GRID2: variants seen among roughly 807,000 people sequenced by gnomAD.
GRID2 encodes glutamate ionotropic receptor delta type subunit 2, also known as glutamate receptor ionotropic, delta-2.
Under a neutral mutation model 114.8 loss-of-function variants are expected in GRID2, and 33 were observed. That is an observed-to-expected ratio of 0.29 (90% CI 0.22 to 0.38). The LOEUF is 0.38. GRID2 is among the 10% of genes least tolerant of loss of function. The pLI is 1.00. For synonymous variants in GRID2, 505 were observed against 449.9 expected (o/e 1.12, Z -1.55); for missense variants, 1,184 against 1,257.7 (o/e 0.94, Z 0.89).
chr4:93,549,959 G>T (rs13127221), intron 13 of GRID2, among the ~76,000 whole-genome samples: 48,455 of 151,828 alleles, frequency 0.32, 8,552 homozygotes, highest in African/African-American at 0.46. Flanking sequence ...ATTACTCACT[G>T]TCCCTGAACC....
At chr4:93,500,768 A>T (rs1293204612) in intron 12 of GRID2, among the ~76,000 whole-genome samples, 1 of 152,040 alleles carries the variant, frequency 6.6e-6, no homozygotes, top group Non-Finnish European at 1.5e-5. Flanking sequence ...GGTTGCTACT[A>T]ATAGAGACTG....
chr4:93,210,186 A>G (rs896796856), intron 5 of GRID2, among the ~76,000 whole-genome samples: 1 of 151,556 alleles, frequency 6.6e-6, no homozygotes, highest in Non-Finnish European at 1.5e-5. Flanking sequence ...TTATATGTCT[A>G]GGTTGTTTTC....
intron 2 of GRID2, among the ~76,000 whole-genome samples, chr4:93,058,908 G>T (rs1285481651): frequency 6.6e-6 from 1 of 151,870 alleles, no homozygotes; most frequent in East Asian, 1.9e-4. Context: ...TTACTACTTG[G>T]TTGCCTTTGT....
chr4:92,820,000 T>A (rs985202210), intron 2 of GRID2, among the ~76,000 whole-genome samples: 2 of 152,146 alleles, frequency 1.3e-5, no homozygotes, highest in African/African-American at 4.8e-5. Flanking sequence ...AATTGCGTAG[T>A]ACCATTTACA....
rs141002450 is a variant in GRID2 at position 92,952,503 on chromosome 4, TCTC to T, written c.245-132488_245-132486del. Among the ~76,000 whole-genome samples, 328 of 152,316 alleles carry T rather than the reference TCTC, an allele frequency of 2.2e-3. 1 individual carries two copies. The highest frequency in any genetic ancestry group is 6.8e-3 in the Middle Eastern group (2 of 294). On this transcript the variant is annotated intron_variant, in intron 2 of 15. Coordinates refer to ENST00000282020, the MANE Select transcript of GRID2 (RefSeq NM_001510.4). ...GCAGAAATATTTCATATTTTGTGCTTCTCCTCATGTTTTTTAAATCTCATTTCT... is the reference window on the plus strand; with the variant it reads ...GCAGAAATATTTCATATTTTGTGCTTCTCATGTTTTTTAAATCTCATTTCT...
chr4:93,528,466 G>A (rs1731142320), intron 13 of GRID2, among the ~76,000 whole-genome samples: 2 of 145,912 alleles, frequency 1.4e-5, no homozygotes, highest in African/African-American at 5.1e-5. Flanking sequence ...TTTTTTGATA[G>A]TAGCCATCCT....
chr4:92,979,947 G>T (rs979604764), intron 2 of GRID2, among the ~76,000 whole-genome samples: 1 of 152,102 alleles, frequency 6.6e-6, no homozygotes, highest in Non-Finnish European at 1.5e-5. Flanking sequence ...TCTCATTTTT[G>T]CAATTAATCT....
chr4:92,945,607 G>C (rs1751564211), intron 2 of GRID2, among the ~76,000 whole-genome samples: 1 of 152,080 alleles, frequency 6.6e-6, no homozygotes, highest in African/African-American at 2.4e-5. Context: ...TACCAGTGAT[G>C]GTCACTGGGG....
chr4:92,318,312 T>A (rs190901974), intron 1 of GRID2, among the ~76,000 whole-genome samples: 12,841 of 125,682 alleles, frequency 0.1, 494 homozygotes, highest in Non-Finnish European at 0.14. Flanking sequence ...ATATATATTT[T>A]TTTTTTTTTT....
chr4:92,378,647 C>G (rs1729468861), intron 1 of GRID2, among the ~76,000 whole-genome samples: 1 of 151,984 alleles, frequency 6.6e-6, no homozygotes, highest in Non-Finnish European at 1.5e-5. Context: ...ATGGTGTACA[C>G]AAAGAATCTT....
chr4:93,349,186 A>G (rs115632010), intron 8 of GRID2, among the ~76,000 whole-genome samples: 1 of 152,136 alleles, frequency 6.6e-6, no homozygotes, highest in Non-Finnish European at 1.5e-5. Context: ...ATATGTTCAC[A>G]TGTACATATA....
chr4:93,309,541 A>AAATAAT (rs144251678), intron 8 of GRID2, among the ~76,000 whole-genome samples: 2 of 151,178 alleles, frequency 1.3e-5, no homozygotes, highest in Admixed American at 1.3e-4. Context: ...TTGTCTCAAA[A>AAATAAT]AATAATAATA....
At chr4:93,093,637 C>T (rs1257810208) in intron 3 of GRID2, among the ~76,000 whole-genome samples, 2 of 151,954 alleles carry the variant, frequency 1.3e-5, no homozygotes, top group East Asian at 3.9e-4. Context: ...TTTCCCTCTC[C>T]CACTGAAACC....
At chr4:93,028,050 C>T (rs1029499542) in intron 2 of GRID2, among the ~76,000 whole-genome samples, 1 of 152,106 alleles carries the variant, frequency 6.6e-6, no homozygotes. Flanking sequence ...CTGCTGCATA[C>T]TTTCTATTCA....
At chr4:92,402,055 A>G (rs1424159604) in intron 1 of GRID2, among the ~76,000 whole-genome samples, 4 of 152,300 alleles carry the variant, frequency 2.6e-5, no homozygotes. Context: ...AATTGTCTCT[A>G]TCTCAAGAAA....
chr4:93,658,539 G>C (rs1723215045), intron 14 of GRID2, among the ~76,000 whole-genome samples: 1 of 152,136 alleles, frequency 6.6e-6, no homozygotes, highest in Non-Finnish European at 1.5e-5. Context: ...AGTGACTTAA[G>C]TAGCTTACCC....
intron 14 of GRID2, among the ~76,000 whole-genome samples, chr4:93,741,905 C>A (rs1022116760): frequency 8.6e-5 from 11 of 128,434 alleles, no homozygotes; most frequent in Non-Finnish European, 1.4e-4. Context: ...GCCTGGGTGA[C>A]AAGAGTGAGA....
At chr4:92,938,630 T>C (rs903797751) in intron 2 of GRID2, among the ~76,000 whole-genome samples, 14 of 146,360 alleles carry the variant, frequency 9.6e-5, no homozygotes, top group African/African-American at 3.4e-4. Flanking sequence ...TTGTTACATA[T>C]GTATACATGT....
chr4:93,157,181 C>T (rs1290716584), intron 4 of GRID2, among the ~76,000 whole-genome samples: 2 of 151,618 alleles, frequency 1.3e-5, no homozygotes, highest in African/African-American at 4.8e-5. Flanking sequence ...AACCTTAAGC[C>T]TATCTACTCA....
Sources: gnomAD v4.1 joint callset for allele counts (sites outside exome capture counted in the v4.1 genomes callset) on GRCh38, gnomAD v4.1.1 for gene constraint, MANE v1.5 for transcripts, NCBI Gene and HGNC (gene_info 2026-07-23, HGNC 2026-07-21) for gene names.